MCPH1: variants seen among roughly 807,000 people sequenced by gnomAD.
The protein encoded by MCPH1 is microcephalin.
Under a neutral mutation model 84.5 loss-of-function variants are expected in MCPH1, and 104 were observed. The observed-to-expected ratio is 1.23, with a 90% CI of 1.05 to 1.45. The LOEUF (loss-of-function observed/expected upper bound fraction) is 1.45. Ranked by LOEUF, MCPH1 falls within the 40% of genes most tolerant of loss-of-function variation. The pLI is 0.00. For synonymous variants in MCPH1, 514 were observed against 366.8 expected, an observed-to-expected ratio of 1.40 and a Z score of -4.58; for missense variants, 1,498 against 1,005.7, an observed-to-expected ratio of 1.49 and a Z score of -6.62.
intron 12 of MCPH1, among the ~76,000 whole-genome samples, chr8:6,532,802 G>A (rs983641481): frequency 5.9e-5 from 9 of 152,298 alleles, no homozygotes; most frequent in African/African-American, 2.2e-4. Flanking sequence ...GCAGCCACAG[G>A]GACTGCTGGG....
At chr8:6,540,037 G>A (rs1038491805) in intron 12 of MCPH1, among the ~76,000 whole-genome samples, 4 of 152,146 alleles carry the variant, frequency 2.6e-5, no homozygotes, top group Non-Finnish European at 4.4e-5. Flanking sequence ...CTCAGCTGGT[G>A]GCATTCTAAC....
intron 3 of MCPH1, among the ~76,000 whole-genome samples, chr8:6,422,838 G>A (rs1585655661): frequency 6.6e-6 from 1 of 152,000 alleles, no homozygotes; most frequent in African/African-American, 2.4e-5. Context: ...ACCGGAGCCC[G>A]CCACCACGCC....
intron 3 of MCPH1, among the ~76,000 whole-genome samples, chr8:6,420,980 C>A (rs545025849): frequency 3.3e-5 from 5 of 152,264 alleles, no homozygotes; most frequent in Admixed American, 3.3e-4. Context: ...GAGTCCCAGG[C>A]GGGCATGGAG....
intron 12 of MCPH1, among the ~76,000 whole-genome samples, chr8:6,525,247 T>G (rs1019004331): frequency 2.6e-5 from 4 of 152,202 alleles, no homozygotes; most frequent in Non-Finnish European, 4.4e-5. Context: ...TCCAGCCCCC[T>G]GATCGTTGTA....
At chr8:6,419,035 C>T (rs1434329164) in intron 3 of MCPH1, among the ~76,000 whole-genome samples, 1 of 151,942 alleles carries the variant, frequency 6.6e-6, no homozygotes, top group African/African-American at 2.4e-5. Context: ...TTTTGCTTTT[C>T]TTCTGGGACT....
In MCPH1 at chr8:6,532,200, T is replaced by A. The variant is rs113429156; in HGVS notation, c.2214+32271T>A. ...GCAGCCATACATCCTTAATTTCTTA[T>A]CAATTCATTCCTTTTCTCCTGTGGT... On this transcript the variant is annotated intron_variant, in intron 12 of 13. Transcript: ENST00000344683. The A allele has an allele frequency of 7.5e-6, 8 of 1,068,704 alleles. No individual in the cohort carries two copies. The African/African-American group carries it at 8.0e-5, about 11-fold the overall frequency. 66.2% of individuals were successfully genotyped at this position (1,068,704 alleles called of 1,614,324 possible). A position where few individuals can be genotyped will look rare whatever the true frequency, so the allele number is the denominator to read the frequency against.
rs587783735 is a variant in MCPH1 at position 6,455,185 on chromosome 8, CAT to C, written c.1869_1870del (p.Cys624Ter). The C allele has an allele frequency of 3.3e-5, 54 of 1,613,910 alleles. No homozygotes were observed. The highest frequency in any genetic ancestry group is 6.7e-5 in the African/African-American group (5 of 74,894). On this transcript the variant is annotated frameshift_variant, in exon 9 of 14. Transcript: ENST00000344683. LOFTEE classifies it high-confidence loss of function. ...ACAAGGCATGATGTTTTAGATGACT[CAT>C]GTGACGGCTTTAAGGACCTCATCAA... is the stretch of plus-strand genomic sequence containing the variant.
rs182233019 is a variant in MCPH1 at position 6,422,983 on chromosome 8, C to T, written c.233+8100C>T. On this transcript the variant is annotated intron_variant, in intron 3 of 13. Coordinates refer to ENST00000344683, the MANE Select transcript of MCPH1 (RefSeq NM_024596.5). ...GATTACAGGCGTGAGCCACTGTGCC[C>T]GGCCAATTTTTATATTTTTAGGAGA... Among the ~76,000 whole-genome samples, 182 of 150,780 alleles carry T rather than the reference C, an allele frequency of 1.2e-3. 7 individuals carry two copies. The highest frequency in any genetic ancestry group is 3.6e-3 in the African/African-American group (148 of 40,646).
intron 12 of MCPH1, among the ~76,000 whole-genome samples, chr8:6,580,434 A>G (rs1271992201): frequency 2.0e-5 from 3 of 152,184 alleles, no homozygotes; most frequent in African/African-American, 7.2e-5. Flanking sequence ...AGGCGGGCAG[A>G]TCACGAGGCC....
At chr8:6,504,035 G>A (rs777140834) in intron 12 of MCPH1, among the ~76,000 whole-genome samples, 27 of 152,226 alleles carry the variant, frequency 1.8e-4, no homozygotes, top group Admixed American at 3.3e-4. Context: ...TCTATAAGCA[G>A]GGGCCGGGCG....
chr8:6,546,209 G>T (rs551334189), intron 12 of MCPH1, among the ~76,000 whole-genome samples: 146 of 152,306 alleles, frequency 9.6e-4, no homozygotes, highest in African/African-American at 3.3e-3. Flanking sequence ...AGGCACCCTG[G>T]GTCCTTGCAG....
At chr8:6,408,514 G>C (rs1222106044) in intron 1 of MCPH1, among the ~76,000 whole-genome samples, 2 of 151,520 alleles carry the variant, frequency 1.3e-5, no homozygotes, top group African/African-American at 2.4e-5. Context: ...GAGCTACTTT[G>C]TTCAGCCAGT....
intron 3 of MCPH1, among the ~76,000 whole-genome samples, chr8:6,421,496 C>A (rs1293105008): frequency 6.6e-6 from 1 of 151,780 alleles, no homozygotes; most frequent in Non-Finnish European, 1.5e-5. Flanking sequence ...TCCACCCTGC[C>A]ATACTGTTTA....
At chr8:6,502,922 T>C in intron 12 of MCPH1, 1 of 658,404 alleles carries the variant, frequency 1.5e-6, no homozygotes. Context: ...GTCCGTTAAG[T>C]GATGCAAGTT....
intron 5 of MCPH1, among the ~76,000 whole-genome samples, chr8:6,438,183 G>C (rs1802957955): frequency 6.6e-6 from 1 of 152,070 alleles, no homozygotes; most frequent in African/African-American, 2.4e-5. Context: ...AAAATACTTT[G>C]GCAACATGGT....
chr8:6,451,543 G>A lies in MCPH1; in HGVS notation c.1826-3600G>A, dbSNP rs141360305. Among the ~76,000 whole-genome samples the A allele has an allele frequency of 1.1e-3, 146 of 134,510 alleles. 3 individuals carry two copies. The East Asian group carries it at 0.024, about 22-fold the overall frequency. The allele number at this position is 134,510 out of a possible 152,430, so 88.2% of individuals were successfully genotyped here. A position where few individuals can be genotyped will look rare whatever the true frequency, so the allele number is the denominator to read the frequency against. On this transcript the variant is annotated intron_variant, in intron 8 of 13. Transcript: ENST00000344683. ...CAACGATTACAAAGGATAAAATTCC[G>A]CATTATCTATTGAAGAGTGTTGTTT...
At chr8:6,608,621 CT>C (rs1334057120) in intron 12 of MCPH1, among the ~76,000 whole-genome samples, 2 of 152,170 alleles carry the variant, frequency 1.3e-5, no homozygotes, top group African/African-American at 4.8e-5. Context: ...TCATTCGGTC[CT>C]TTGCTGTCAT....
intron 2 of MCPH1, among the ~76,000 whole-genome samples, chr8:6,409,781 C>G (rs1798280290): frequency 6.6e-6 from 1 of 152,178 alleles, no homozygotes; most frequent in Non-Finnish European, 1.5e-5. Flanking sequence ...TCTAGGGGGT[C>G]AGGACCATAG....
At position 6,408,457 on chromosome 8, in the gene MCPH1, A is replaced by G. The variant is rs541664909; in HGVS notation, c.23-822A>G. Among the ~76,000 whole-genome samples, 9 of 152,228 alleles carry G rather than the reference A, an allele frequency of 5.9e-5. No homozygotes were observed. In the South Asian group the frequency reaches 8.3e-4, roughly 14 times the overall value. On this transcript the variant is annotated intron_variant, in intron 1 of 13. Transcript: ENST00000344683. ...GGCTGGTCTTGAATTCCTAGCCTCA[A>G]GCAATCCTCCCGCCTCCACCTTGCA...
Sources: gnomAD v4.1 joint callset for allele counts (sites outside exome capture counted in the v4.1 genomes callset) on GRCh38, gnomAD v4.1.1 for gene constraint, MANE v1.5 for transcripts, NCBI Gene and HGNC (gene_info 2026-07-23, HGNC 2026-07-21) for gene names.